Variants in ITGA3 observed in about 807,000 individuals in gnomAD.
ITGA3 encodes integrin alpha-3.
A neutral mutation model predicts 131.1 loss-of-function variants in ITGA3; 70 were observed. The ratio of observed to expected loss-of-function variants is 0.53; its 90% confidence interval spans 0.44 to 0.65. The LOEUF is 0.65. ITGA3 is among the 30% of genes least tolerant of loss of function. ITGA3 has a pLI of 0.00. For missense variants in ITGA3, 1,098 were observed against 1,388.6 expected, an observed-to-expected ratio of 0.79 and a Z score of 3.33; for synonymous variants, 537 against 571.6, an observed-to-expected ratio of 0.94 and a Z score of 0.86.
intron 24 of ITGA3, 44 bp from the exon 25 acceptor site, chr17:50,088,181 C>T: frequency 6.5e-7 from 1 of 1,537,884 alleles, no homozygotes; most frequent in Non-Finnish European, 8.8e-7. Context: ...GAGGATAGCC[C>T]AGCGCCCCCC....
At position 50,075,661 on chromosome 17, in the gene ITGA3, A is replaced by G; in HGVS notation, c.1600A>G (p.Ser534Gly). 1 of 1,614,202 alleles carries G rather than the reference A, an allele frequency of 6.2e-7. No individual in the cohort carries two copies. Among genetic ancestry groups the G allele is most frequent in the Non-Finnish European group, 8.5e-7 (1 of 1,180,036 alleles). Residue 534 changes from serine to glycine, a missense_variant, in exon 12 of 26, where the codon AGT becomes GGT. Coordinates refer to ENST00000320031, the MANE Select transcript of ITGA3 (RefSeq NM_002204.4). ...GCCGCCCCGGCTCCGCTTTGCCGGC[A>G]GTGAGTCCGCTGTCTTCCACGGCTT... Reference protein sequence around the residue: ...RRPPRLRFAGSESAVFHGFFS... With the variant: ...RRPPRLRFAGGESAVFHGFFS...
Position 50,072,315 on chromosome 17 carries a change from G to C in ITGA3, c.1156+133G>C, listed in dbSNP as rs1908670086. The C allele has an allele frequency of 5.2e-6, 4 of 775,626 alleles. No homozygotes were observed. In the South Asian group the frequency reaches 6.9e-5, roughly 13 times the overall value. 48.0% of individuals were successfully genotyped at this position (775,626 alleles called of 1,614,324 possible). A position where few individuals can be genotyped will look rare whatever the true frequency, so the allele number is the denominator to read the frequency against. On this transcript the variant is annotated intron_variant, in intron 7 of 25. Coordinates refer to ENST00000320031, the MANE Select transcript of ITGA3 (RefSeq NM_002204.4). ...TGAGACAGGATGGGGCCGGACCTGG[G>C]GAGCTCGCAGCAGTACTAGAGAGAG... is the stretch of plus-strand genomic sequence containing the variant.
At chr17:50,081,153 T>G in intron 22 of ITGA3, 157 bp from the exon 23 acceptor site, 3 of 589,544 alleles carry the variant, frequency 5.1e-6, no homozygotes, top group South Asian at 2.1e-5. Context: ...ATGATGCGCA[T>G]TTGTGTGTGG....
chr17:50,063,589 C>G (rs1316063796), intron 1 of ITGA3: 1 of 163,730 alleles, frequency 6.1e-6, no homozygotes, highest in Non-Finnish European at 1.3e-5. Flanking sequence ...ATGTCATGCC[C>G]CTGCCTAAAA....
Position 50,080,321 on chromosome 17 carries a change from C to A in ITGA3, c.2766C>A (p.Pro922=). Residue 922 remains proline (P), a synonymous_variant, in exon 22 of 26, where the codon CCC becomes CCA. Transcript: ENST00000320031. The part of the protein sequence containing the change: ...VWLECPIPDA[P]VVTNVTVKAR... ...TAGAGTGCCCCATCCCTGATGCCCC[C>A]GTTGTCACCAACGTGACTGTGAAGG... 6.2e-7 allele frequency: 1 copy of A among 1,613,592 alleles called. No individual in the cohort carries two copies. The highest frequency in any genetic ancestry group is 8.5e-7 in the Non-Finnish European group (1 of 1,179,848).
At chr17:50,082,687 C>T (rs998890561) in intron 23 of ITGA3, among the ~76,000 whole-genome samples, 2 of 152,082 alleles carry the variant, frequency 1.3e-5, no homozygotes, top group African/African-American at 4.8e-5. Context: ...CCCAAACCCC[C>T]TAGGTTTCCT....
chr17:50,070,594 C>T (rs1413498244), intron 4 of ITGA3, among the ~76,000 whole-genome samples: 5 of 117,800 alleles, frequency 4.2e-5, no homozygotes, highest in African/African-American at 1.6e-4. Flanking sequence ...TGCAGTGAGG[C>T]AAGATCACAC....
chr17:50,072,550 G>T (rs564376996), intron 7 of ITGA3, among the ~76,000 whole-genome samples: 1 of 151,984 alleles, frequency 6.6e-6, no homozygotes, highest in East Asian at 1.9e-4. Context: ...GGAGTGGGGT[G>T]GGGTGGGGTG....
rs1045983313 is a variant in ITGA3 at position 50,088,127 on chromosome 17, C to A, written c.3046-98C>A. ...CAAGCTGGGACTGAGCCCCAGCCCC[C>A]AGGCTCCCCAGCCCTAAAGCCCTGG... On this transcript the variant is annotated intron_variant, in intron 24 of 25. Coordinates refer to ENST00000320031, the MANE Select transcript of ITGA3 (RefSeq NM_002204.4). 11 of 1,449,392 alleles carry A rather than the reference C, an allele frequency of 7.6e-6. No homozygotes were observed. The African/African-American group carries it at 1.0e-4, about 13-fold the overall frequency. The allele number at this position is 1,449,392 out of a possible 1,614,324, so 89.8% of individuals were successfully genotyped here. A position where few individuals can be genotyped will look rare whatever the true frequency, so the allele number is the denominator to read the frequency against.
In ITGA3 at chr17:50,076,399, G is replaced by T; in HGVS notation, c.1748G>T (p.Arg583Leu). 1 of 1,612,718 alleles carries T rather than the reference G, an allele frequency of 6.2e-7. No homozygotes were observed. Among genetic ancestry groups the T allele is most frequent in the South Asian group, 1.1e-5 (1 of 91,058 alleles). Residue 583 changes from arginine (R) to leucine (L), a missense_variant, in exon 13 of 26, where the codon CGC (arginine) becomes CTC (leucine). Transcript: ENST00000320031. ...NYSLPLRMPD[R>L]PRLGLRSLDA... ...TCTTTACCTTTGCGGATGCCCGATC[G>T]CCCCCGGCTGGGGCTGCGGTCCCTG...
chr17:50,072,129 C>T lies in ITGA3; in HGVS notation c.1103C>T (p.Ala368Val). Residue 368 changes from alanine to valine, a missense_variant, in exon 7 of 26, where the codon GCC becomes GTC. Around this residue, in one of 3 missense-constraint regions of ITGA3, gnomAD observed 356 missense variants for 529.2 expected, o/e 0.67. Coordinates refer to ENST00000320031, the MANE Select transcript of ITGA3 (RefSeq NM_002204.4). ...CTTCTTCATGGCCCCAGTGGCTCTG[C>T]CTTTGGTTTATCTGTGGCCAGCATT... ...SLLLHGPSGS[A>V]FGLSVASIGD... 1 of 1,614,032 alleles carries T rather than the reference C, an allele frequency of 6.2e-7. No individual in the cohort carries two copies.
rs748623564 is a variant in ITGA3 at position 50,072,198 on chromosome 17, C to T, written c.1156+16C>T. ...GGATTTCAGGGTATGAGCCAGCACT[C>T]CTCCCCCAGCACCCCTCCTCCAGCA... On this transcript the variant is annotated intron_variant, in intron 7 of 25. Transcript: ENST00000320031. The T allele has an allele frequency of 3.7e-6, 6 of 1,602,908 alleles. No individual in the cohort carries two copies. In the South Asian group the frequency reaches 6.7e-5, roughly 18 times the overall value.
chr17:50,068,388 A>AC, intron 4 of ITGA3, 83 bp downstream of exon 4: 1 of 1,476,432 alleles, frequency 6.8e-7, no homozygotes, highest in South Asian at 1.2e-5. Context: ...GCTGGCCTAG[A>AC]CCATCCACAC....
rs141645993 is a variant in ITGA3, at chr17:50,058,420, G to C, written c.206+1775G>C. 1.4e-3 allele frequency among the ~76,000 whole-genome samples: 220 copies of C among 152,350 alleles called. 4 individuals are homozygous for C. The East Asian group carries it at 0.04, about 28-fold the overall frequency. ...GTGGGGCTGTAACGAGATAAAGTGC[G>C]TAAAATCCTCTGCACATGTGCCTTT... On this transcript the variant is annotated intron_variant, in intron 1 of 25. Transcript: ENST00000320031.
intron 1 of ITGA3, among the ~76,000 whole-genome samples, chr17:50,058,923 G>C (rs560144263): frequency 5.3e-5 from 8 of 152,260 alleles, no homozygotes; most frequent in Non-Finnish European, 7.3e-5. Context: ...GTTTTCAAGA[G>C]ATGCAGGGAC....
intron 22 of ITGA3, 28 bp downstream of exon 22, chr17:50,080,403 C>A: frequency 1.4e-6 from 2 of 1,401,922 alleles, no homozygotes; most frequent in Non-Finnish European, 1.0e-6. Flanking sequence ...AAGGTCTCTC[C>A]TACCATCCAC....
intron 23 of ITGA3, 52 bp from the exon 24 acceptor site, chr17:50,087,692 G>T (rs1332697803): frequency 3.2e-6 from 5 of 1,575,248 alleles, no homozygotes; most frequent in Non-Finnish European, 4.3e-6. Flanking sequence ...GAAGGGTGAG[G>T]ATGGGCCTAA....
rs1247610948 is a variant in ITGA3, at chr17:50,090,030, A to G, written c.*952A>G. 1.7e-5 allele frequency: 5 copies of G among 291,860 alleles called. No homozygotes were observed. The East Asian group carries it at 3.8e-4, about 22-fold the overall frequency. 18.1% of individuals were successfully genotyped at this position (291,860 alleles called of 1,614,324 possible). ...ATCCTCCACAGAGAGGAGGGGACCA[A>G]TTCTGGACAGACAGATGTTGGGAGG... On this transcript the variant is annotated 3_prime_UTR_variant, in exon 26 of 26. Transcript: ENST00000320031.
intron 3 of ITGA3, among the ~76,000 whole-genome samples, chr17:50,067,795 TC>T (rs1444701732): frequency 6.6e-6 from 1 of 152,182 alleles, no homozygotes; most frequent in Admixed American, 6.5e-5. Flanking sequence ...CTCTCATCCT[TC>T]CCTGCTTTCC....
Sources: gnomAD v4.1 joint callset for allele counts (sites outside exome capture counted in the v4.1 genomes callset) on GRCh38, gnomAD v4.1.1 for gene constraint, gnomAD v4.1.1 regional missense constraint, MANE v1.5 for transcripts, NCBI Gene and HGNC (gene_info 2026-07-23, HGNC 2026-07-21) for gene names.